Variants in ANXA11 observed in about 807,000 individuals in gnomAD.
ANXA11 encodes the protein 56 kDa autoantigen.
Under a neutral mutation model 64.7 loss-of-function variants are expected in ANXA11, and 57 were observed. The ratio of observed to expected loss-of-function variants is 0.88; its 90% confidence interval spans 0.71 to 1.10. The LOEUF (loss-of-function observed/expected upper bound fraction) is 1.10. ANXA11 is among the 50% of genes least tolerant of loss of function. ANXA11 has a pLI of 0.00. For missense variants in ANXA11, 675 were observed against 670.7 expected (o/e 1.01, Z -0.07); for synonymous variants, 260 against 265.2 (o/e 0.98, Z 0.19).
At position 80,169,349 on chromosome 10, in the gene ANXA11, T is replaced by C. The variant is rs746660284; in HGVS notation, c.181A>G (p.Met61Val). 6.2e-7 allele frequency: 1 copy of C among 1,606,088 alleles called. No individual in the cohort carries two copies. Among genetic ancestry groups the C allele is most frequent in the South Asian group, 1.1e-5 (1 of 91,012 alleles). Reference protein sequence around the residue: ...QDYLSGMAANMSGTFGGANMP... With the variant: ...QDYLSGMAANVSGTFGGANMP... ...TTGGCTCCTCCAAATGTCCCAGACA[T>C]GTTGGCCGCCTGCAAGGACACAAAG... is the stretch of plus-strand genomic sequence containing the variant. The change falls in exon 5 of 16, where the codon ATG becomes GTG. Residue 61 changes from methionine to valine, a missense_variant. Transcript: ENST00000422982.
intron 1 of ANXA11, among the ~76,000 whole-genome samples, chr10:80,195,012 C>A (rs185382579): frequency 7.2e-5 from 11 of 152,160 alleles, no homozygotes; most frequent in Non-Finnish European, 8.8e-5. Flanking sequence ...TATGAATGGC[C>A]GGCACAGACC....
At chr10:80,158,501 C>G (rs1845369764) in intron 13 of ANXA11, among the ~76,000 whole-genome samples, 2 of 152,130 alleles carry the variant, frequency 1.3e-5, no homozygotes, top group South Asian at 4.1e-4. Context: ...CCATCTCTCC[C>G]ATCCAGAAAG....
At chr10:80,189,926 C>A (rs1285226168) in intron 1 of ANXA11, among the ~76,000 whole-genome samples, 1 of 152,210 alleles carries the variant, frequency 6.6e-6, no homozygotes, top group East Asian at 1.9e-4. Flanking sequence ...AAGAGAATAT[C>A]ATTCAGCCTC....
intron 1 of ANXA11, among the ~76,000 whole-genome samples, chr10:80,190,481 T>A (rs1325975854): frequency 2.2e-5 from 3 of 134,856 alleles, no homozygotes; most frequent in Non-Finnish European, 4.7e-5. Flanking sequence ...TAATTTACAA[T>A]AAATTTTTTT....
chr10:80,175,742 G>A lies in ANXA11; in HGVS notation c.-9+365C>T, dbSNP rs150648062. Among the ~76,000 whole-genome samples, 10 of 152,292 alleles carry A rather than the reference G, an allele frequency of 6.6e-5. No individual in the cohort carries two copies. The East Asian group carries it at 1.3e-3, about 21-fold the overall frequency. ...AGATGCTCACCTTCACCAATGTGCT[G>A]AGGAAATCACCAATTAAAAATACAC... On this transcript the variant is annotated intron_variant, in intron 2 of 15. Coordinates refer to ENST00000422982, the MANE Select transcript of ANXA11 (RefSeq NM_145868.2).
chr10:80,153,522 T>C lies in ANXA11; in HGVS notation c.*2331A>G, dbSNP rs1037064030. The C allele has an allele frequency of 1.2e-4, 18 of 152,344 alleles. No homozygotes were observed. Among genetic ancestry groups the C allele is most frequent in the East Asian group, 5.8e-4 (3 of 5,180 alleles). The allele number at this position is 152,344 out of a possible 1,614,324, so 9.4% of individuals were successfully genotyped here. On this transcript the variant is annotated 3_prime_UTR_variant, in exon 16 of 16. Transcript: ENST00000422982. ...CAGAATATGGTCACATCAGAGCACA[T>C]TGGTTCTAGGCCCCATCACAATTCA... is the stretch of plus-strand genomic sequence containing the variant.
chr10:80,190,115 A>C (rs1846707291), intron 1 of ANXA11, among the ~76,000 whole-genome samples: 1 of 152,202 alleles, frequency 6.6e-6, no homozygotes, highest in Non-Finnish European at 1.5e-5. Flanking sequence ...CTCAGGTAAG[A>C]GGGAATGGGG....
rs1802935 is a variant in ANXA11, at chr10:80,170,848, G to A, written c.123C>T (p.Asn41=). Residue 41 remains asparagine, a synonymous_variant, in exon 4 of 16, where the codon AAC becomes AAT. Transcript: ENST00000422982. ...PPSMPPIGLD[N]VATYAGQFNQ... ...TGAACTGCCCCGCATAGGTGGCCAC[G>A]TTATCCAGCCCGATGGGGGGCATGC... is the stretch of plus-strand genomic sequence containing the variant. 1.0e-5 allele frequency: 16 copies of A among 1,524,750 alleles called. No homozygotes were observed. The highest frequency in any genetic ancestry group is 1.4e-5 in the Non-Finnish European group (16 of 1,141,184). The allele number at this position is 1,524,750 out of a possible 1,614,324, so 94.5% of individuals were successfully genotyped here. A position where few individuals can be genotyped will look rare whatever the true frequency, so the allele number is the denominator to read the frequency against.
intron 2 of ANXA11, among the ~76,000 whole-genome samples, chr10:80,174,478 T>A (rs948983690): frequency 6.6e-6 from 1 of 152,182 alleles, no homozygotes; most frequent in Non-Finnish European, 1.5e-5. Flanking sequence ...GGTTTCACCA[T>A]GTTGGCCAGG....
chr10:80,201,246 G>A (rs367786189), intron 1 of ANXA11, among the ~76,000 whole-genome samples: 15 of 152,174 alleles, frequency 9.9e-5, no homozygotes, highest in African/African-American at 2.9e-4. Flanking sequence ...TCCATCCCAC[G>A]AAGCAGACTC....
intron 5 of ANXA11, among the ~76,000 whole-genome samples, chr10:80,168,147 A>G (rs978452849): frequency 7.3e-6 from 1 of 136,152 alleles, no homozygotes; most frequent in Admixed American, 7.2e-5. Context: ...AGGCTCTGCA[A>G]ACACGAACTG....
chr10:80,154,648 T>C lies in ANXA11; in HGVS notation c.*1205A>G, dbSNP rs897319281. 1 of 152,310 alleles carries C rather than the reference T, an allele frequency of 6.6e-6. No individual in the cohort carries two copies. Among genetic ancestry groups the C allele is most frequent in the African/African-American group, 2.4e-5 (1 of 41,468 alleles). 9.4% of individuals were successfully genotyped at this position (152,310 alleles called of 1,614,324 possible). ...ACCATAATTCTCAGAAACTCTCTTATGGATTCTCTTCCCTCACACCACCAA... is the reference window on the plus strand; with the variant it reads ...ACCATAATTCTCAGAAACTCTCTTACGGATTCTCTTCCCTCACACCACCAA... On this transcript the variant is annotated 3_prime_UTR_variant, in exon 16 of 16. Coordinates refer to ENST00000422982, the MANE Select transcript of ANXA11 (RefSeq NM_145868.2).
At chr10:80,168,404 A>ACC (rs1845832762) in intron 5 of ANXA11, among the ~76,000 whole-genome samples, 1 of 152,108 alleles carries the variant, frequency 6.6e-6, no homozygotes, top group Admixed American at 6.5e-5. Flanking sequence ...GGGTGTTCTG[A>ACC]CCCAACTCGG....
chr10:80,181,854 T>C (rs544425124), intron 1 of ANXA11, among the ~76,000 whole-genome samples: 4 of 152,332 alleles, frequency 2.6e-5, no homozygotes, highest in Non-Finnish European at 4.4e-5. Flanking sequence ...TAAAGCGGTA[T>C]AGGCACTTTG....
At position 80,167,326 on chromosome 10, in the gene ANXA11, ACAGTCT is replaced by A; in HGVS notation, c.562-19_562-14del. On this transcript the variant is annotated splice_polypyrimidine_tract_variant and intron_variant, in intron 5 of 15. Transcript: ENST00000422982. ...CTCGGCTTCCAAACTACTCGGACAA[ACAGTCT>A]CAGGTAAGATGTCGTGCATGCCGCC... The A allele has an allele frequency of 6.2e-7, 1 of 1,613,540 alleles. No homozygotes were observed. Among genetic ancestry groups the A allele is most frequent in the Non-Finnish European group, 8.5e-7 (1 of 1,179,530 alleles).
intron 10 of ANXA11, 24 bp from the exon 11 acceptor site, chr10:80,163,429 C>A: frequency 6.2e-7 from 1 of 1,614,074 alleles, no homozygotes; most frequent in South Asian, 1.1e-5. Flanking sequence ...GGTGTATGGT[C>A]ATGCCCACTC....
At chr10:80,173,730 C>T (rs1263262358) in intron 2 of ANXA11, among the ~76,000 whole-genome samples, 2 of 152,248 alleles carry the variant, frequency 1.3e-5, no homozygotes, top group African/African-American at 2.4e-5. Flanking sequence ...TCTGCAGAGA[C>T]ACCCAATGGC....
At chr10:80,200,216 G>C (rs1840359569) in intron 1 of ANXA11, among the ~76,000 whole-genome samples, 1 of 152,214 alleles carries the variant, frequency 6.6e-6, no homozygotes, top group Admixed American at 6.5e-5. Flanking sequence ...AGTGAGACCT[G>C]ATTACTAACC....
At chr10:80,163,427 G>A in intron 10 of ANXA11, 22 bp from the exon 11 acceptor site, 1 of 1,614,044 alleles carries the variant, frequency 6.2e-7, no homozygotes, top group Non-Finnish European at 8.5e-7. Context: ...CAGGTGTATG[G>A]TCATGCCCAC....
Sources: gnomAD v4.1 joint callset for allele counts (sites outside exome capture counted in the v4.1 genomes callset) on GRCh38, gnomAD v4.1.1 for gene constraint, MANE v1.5 for transcripts, NCBI Gene and HGNC (gene_info 2026-07-23, HGNC 2026-07-21) for gene names.